Variants in PNISR observed in about 807,000 individuals in gnomAD.
The protein encoded by PNISR is arginine/serine-rich protein PNISR.
Under a neutral mutation model 93.4 loss-of-function variants are expected in PNISR, and 20 were observed. The observed-to-expected ratio is 0.21, with a 90% CI of 0.15 to 0.31. The LOEUF is 0.31. Among genes scored for constraint, PNISR ranks in the 10% least tolerant of loss-of-function variants. The probability of loss-of-function intolerance (pLI) is 1.00; values close to 1 mark genes in which losing one functional copy is unlikely to be tolerated. For missense variants in PNISR, 893 were observed against 985.4 expected (o/e 0.91, Z 1.25); for synonymous variants, 305 against 306.5 (o/e 0.99, Z 0.05).
chr6:99,421,249 T>C (rs1778512818), intron 1 of PNISR, among the ~76,000 whole-genome samples: 1 of 152,136 alleles, frequency 6.6e-6, no homozygotes, highest in Non-Finnish European at 1.5e-5. Context: ...GAAAGATGAA[T>C]AACCAAGGTT....
Position 99,404,644 on chromosome 6 carries a change from A to G in PNISR, c.1061T>C (p.Ile354Thr). The G allele has an allele frequency of 3.1e-6, 5 of 1,608,258 alleles. No individual in the cohort carries two copies. Among genetic ancestry groups the G allele is most frequent in the Non-Finnish European group, 4.3e-6 (5 of 1,174,714 alleles). The change falls in exon 9 of 12, where the codon ATT becomes ACT. Residue 354 changes from isoleucine (I) to threonine (T), a missense_variant. Physicochemically the swap from Ile to Thr is moderately conservative, Grantham distance 89. Coordinates refer to ENST00000369239, the MANE Select transcript of PNISR (RefSeq NM_032870.4). The part of the protein sequence containing the change: ...EILLDVTDEE[I>T]YYVAKDAHRK... ...GTGTGCATCTTTGGCTACGTAATAA[A>G]TTTCTTCATCTGTGACATCCAGCAG... is the stretch of plus-strand genomic sequence containing the variant.
intron 1 of PNISR, chr6:99,424,930 G>A (rs1431220495): frequency 3.5e-6 from 1 of 286,568 alleles, no homozygotes; most frequent in Non-Finnish European, 6.4e-6. Flanking sequence ...GTGTTTAACG[G>A]CCGGTCAGGA....
chr6:99,416,270 T>C (rs2128491436), intron 2 of PNISR, 79 bp downstream of exon 2: 1 of 457,182 alleles, frequency 2.2e-6, no homozygotes, highest in Non-Finnish European at 3.6e-6. Context: ...GAAAAGTAAC[T>C]TCGCTTACAA....
At chr6:99,412,063 CAA>C (rs1304579137) in intron 4 of PNISR, 59 of 305,384 alleles carry the variant, frequency 1.9e-4, no homozygotes, top group South Asian at 1.5e-3. Context: ...GTAAAACACA[CAA>C]AAACTTATGA....
intron 7 of PNISR, among the ~76,000 whole-genome samples, chr6:99,406,795 G>A (rs1025653951): frequency 2.6e-5 from 4 of 152,154 alleles, no homozygotes; most frequent in Non-Finnish European, 4.4e-5. Context: ...CAGATTGCAT[G>A]TGACCCTTTC....
chr6:99,417,952 G>C (rs1777937292), intron 1 of PNISR, among the ~76,000 whole-genome samples: 1 of 114,826 alleles, frequency 8.7e-6, no homozygotes, highest in Admixed American at 1.1e-4. Context: ...TGGGCGACAA[G>C]AGCGAAACAC....
In PNISR at chr6:99,400,810, T is replaced by C; in HGVS notation, c.2148A>G (p.Glu716=). The C allele has an allele frequency of 6.2e-7, 1 of 1,612,036 alleles. No homozygotes were observed. Among genetic ancestry groups the C allele is most frequent in the Non-Finnish European group, 8.5e-7 (1 of 1,178,618 alleles). Residue 716 remains glutamate (E), a synonymous_variant, in exon 12 of 12, where the codon GAA becomes GAG. Coordinates refer to ENST00000369239, the MANE Select transcript of PNISR (RefSeq NM_032870.4). The stretch of plus-strand genomic sequence containing the variant: ...CACTCCTAGAAAATGTTCTTTCACT[T>C]TCTCGTTTCCTTTTTAATCTATCAT... ...SQDDRLKRKR[E]SERTFSRSGS... is the part of the protein sequence containing the mutation.
intron 7 of PNISR, among the ~76,000 whole-genome samples, chr6:99,407,430 C>A (rs1405159672): frequency 1.3e-5 from 2 of 151,570 alleles, no homozygotes; most frequent in Non-Finnish European, 2.9e-5. Context: ...ACAGATTTTG[C>A]ATAGATCTTT....
Position 99,419,152 on chromosome 6 carries a change from C to CAAAAAAAAAAA in PNISR, c.-111-2735_-111-2725dup, listed in dbSNP as rs1166838873. Among the ~76,000 whole-genome samples, 35 of 19,822 alleles carry CAAAAAAAAAAA rather than the reference C, an allele frequency of 1.8e-3. 9 individuals carry two copies. The highest frequency in any genetic ancestry group is 2.9e-3 in the Non-Finnish European group (30 of 10,404). 13.0% of individuals were successfully genotyped at this position (19,822 alleles called of 152,430 possible). A position where few individuals can be genotyped will look rare whatever the true frequency, so the allele number is the denominator to read the frequency against. On this transcript the variant is annotated intron_variant, in intron 1 of 11. Coordinates refer to ENST00000369239, the MANE Select transcript of PNISR (RefSeq NM_032870.4). ...TGGGTGCCAGAGCGAGACTCCGTCT[C>CAAAAAAAAAAA]AAAAAAAAAAAAAAAAAAAAAAAAA...
Position 99,402,562 on chromosome 6 carries a change from T to A in PNISR, c.1305A>T (p.Leu435=). 6.2e-7 allele frequency: 1 copy of A among 1,613,042 alleles called. No individual in the cohort carries two copies. The highest frequency in any genetic ancestry group is 8.5e-7 in the Non-Finnish European group (1 of 1,179,286). The change falls in exon 11 of 12, where the codon CTA becomes CTT. Residue 435 remains leucine (L), a synonymous_variant. Coordinates refer to ENST00000369239, the MANE Select transcript of PNISR (RefSeq NM_032870.4). ...AFWRKEKEQQ[L]LHDKQMEEEK... ...CACCTTCCATCTGTTTATCATGTAA[T>A]AGCTGCTGTTCTTTTTCTTTTCTCC...
chr6:99,413,696 A>G (rs1777286887), intron 3 of PNISR, among the ~76,000 whole-genome samples: 1 of 152,200 alleles, frequency 6.6e-6, no homozygotes, highest in South Asian at 2.1e-4. Flanking sequence ...AGTCCACCCA[A>G]AAATGCATTA....
In PNISR at chr6:99,412,659, G is replaced by A; in HGVS notation, c.169C>T (p.Pro57Ser). The change falls in exon 4 of 12, where the codon CCA becomes TCA. Residue 57 changes from proline (P) to serine (S), a missense_variant. Coordinates refer to ENST00000369239, the MANE Select transcript of PNISR (RefSeq NM_032870.4). ...ASGQQSMVEQ[P>S]PGMMPNGQDM... ...TGTCCATTTGGCATCATTCCTGGTGGTTGTTCTACCATGCTTTGCTGTCCT... is the reference window on the plus strand; with the variant it reads ...TGTCCATTTGGCATCATTCCTGGTGATTGTTCTACCATGCTTTGCTGTCCT... 2 of 1,612,734 alleles carry A rather than the reference G, an allele frequency of 1.2e-6. No homozygotes were observed. The highest frequency in any genetic ancestry group is 1.7e-6 in the Non-Finnish European group (2 of 1,179,264).
At chr6:99,416,816 CTA>C (rs1777761180) in intron 1 of PNISR, among the ~76,000 whole-genome samples, 1 of 152,136 alleles carries the variant, frequency 6.6e-6, no homozygotes, top group Non-Finnish European at 1.5e-5. Context: ...CTATAGAATT[CTA>C]TGTTTAGAAA....
rs1301980504 is a variant in PNISR at position 99,404,713 on chromosome 6, G to A, written c.1003-11C>T. 2 of 1,341,798 alleles carry A rather than the reference G, an allele frequency of 1.5e-6. No individual in the cohort carries two copies. The highest frequency in any genetic ancestry group is 2.1e-6 in the Non-Finnish European group (2 of 933,074). 83.1% of individuals were successfully genotyped at this position (1,341,798 alleles called of 1,614,324 possible). On this transcript the variant is annotated splice_polypyrimidine_tract_variant and intron_variant, in intron 8 of 11. Transcript: ENST00000369239. Reference sequence around the variant, plus strand: ...TTTTGTCAGCAACATCTAAAAAAGAGCATTTTATACAGTATTTCTAATTAT... The same window carrying A: ...TTTTGTCAGCAACATCTAAAAAAGAACATTTTATACAGTATTTCTAATTAT...
At position 99,425,197 on chromosome 6, in the gene PNISR, T is replaced by C. The variant is rs1779344864; in HGVS notation, c.-112+18A>G. The C allele has an allele frequency of 8.1e-7, 1 of 1,229,782 alleles. No homozygotes were observed. Among genetic ancestry groups the C allele is most frequent in the East Asian group, 3.2e-5 (1 of 31,688 alleles). 76.2% of individuals were successfully genotyped at this position (1,229,782 alleles called of 1,614,324 possible). On this transcript the variant is annotated intron_variant, in intron 1 of 11. Coordinates refer to ENST00000369239, the MANE Select transcript of PNISR (RefSeq NM_032870.4). ...TGGTCCGGCAAGTGCCCACGTATAA[T>C]TGTTCTCCATCACTTACCCACTCTA...
At chr6:99,421,102 T>G (rs1403424576) in intron 1 of PNISR, among the ~76,000 whole-genome samples, 2 of 152,184 alleles carry the variant, frequency 1.3e-5, no homozygotes, top group Non-Finnish European at 2.9e-5. Flanking sequence ...TTAAAGCTTG[T>G]TAGGCTTGGG....
chr6:99,415,042 G>A (rs1777493916), intron 2 of PNISR: 1 of 153,520 alleles, frequency 6.5e-6, no homozygotes, highest in Non-Finnish European at 1.4e-5. Flanking sequence ...CTTTAAGATA[G>A]TAACCAAATA....
intron 1 of PNISR, among the ~76,000 whole-genome samples, chr6:99,419,088 C>T (rs190864588): frequency 5.7e-4 from 73 of 128,572 alleles, no homozygotes; most frequent in East Asian, 2.4e-3. Context: ...AGGTGGAAGT[C>T]GCAGTGAGCT....
At chr6:99,403,916 T>C (rs1367746954) in intron 9 of PNISR, 34 bp from the exon 10 acceptor site, 1 of 1,546,656 alleles carries the variant, frequency 6.5e-7, no homozygotes, top group Non-Finnish European at 8.9e-7. Context: ...AACAACATGT[T>C]AACACAAATA....
Sources: gnomAD v4.1 joint callset for allele counts (sites outside exome capture counted in the v4.1 genomes callset) on GRCh38, gnomAD v4.1.1 for gene constraint, MANE v1.5 for transcripts, NCBI Gene and HGNC (gene_info 2026-07-23, HGNC 2026-07-21) for gene names.